LRRC8C: variants seen among roughly 807,000 people sequenced by gnomAD.
LRRC8C encodes the protein volume-regulated anion channel subunit LRRC8C.
Under a neutral mutation model 55.3 loss-of-function variants are expected in LRRC8C, and 20 were observed. That is an observed-to-expected ratio of 0.36 (90% CI 0.25 to 0.53). The LOEUF is 0.53. Ranked by LOEUF, LRRC8C falls within the 20% of genes least tolerant of loss-of-function variation. The pLI is 0.92. For missense variants in LRRC8C, 659 were observed against 951.4 expected (o/e 0.69, Z 4.04); for synonymous variants, 376 against 360.7 (o/e 1.04, Z -0.48).
the LRRC8C span, among the ~76,000 whole-genome samples, chr1:89,627,114 T>C: frequency 6.6e-6 from 1 of 152,134 alleles, no homozygotes; most frequent in Admixed American, 6.5e-5. Flanking sequence ...AGACATCTTA[T>C]GAGTAATAAA....
intron 2 of LRRC8C, among the ~76,000 whole-genome samples, 162 bp downstream of exon 2, chr1:89,686,773 A>G (rs552256129): frequency 9.2e-5 from 14 of 152,294 alleles, no homozygotes; most frequent in African/African-American, 3.1e-4. Flanking sequence ...ACACCTATTT[A>G]CTGGGATTTC....
At chr1:89,651,481 T>C (rs1656777140) in intron 1 of LRRC8C, among the ~76,000 whole-genome samples, 1 of 139,318 alleles carries the variant, frequency 7.2e-6, no homozygotes, top group South Asian at 2.2e-4. Flanking sequence ...GGCAGGAGAA[T>C]GGCATGAACC....
chr1:89,642,194 G>A (rs899473804), intron 1 of LRRC8C, among the ~76,000 whole-genome samples: 38 of 152,146 alleles, frequency 2.5e-4, no homozygotes, highest in African/African-American at 8.5e-4. Flanking sequence ...TCTTGAGGAC[G>A]CTTTTTTCCT....
chr1:89,619,300 G>A, the LRRC8C span, among the ~76,000 whole-genome samples: 1 of 151,580 alleles, frequency 6.6e-6, no homozygotes, highest in Non-Finnish European at 1.5e-5. Flanking sequence ...TTTGGGGTGG[G>A]GGAAAGAAAT....
intron 2 of LRRC8C, among the ~76,000 whole-genome samples, chr1:89,695,367 A>T (rs986094485): frequency 2.0e-5 from 3 of 152,226 alleles, no homozygotes; most frequent in Non-Finnish European, 4.4e-5. Context: ...TCCCTACTCA[A>T]GTTATTTTAG....
At chr1:89,696,236 G>A (rs754541994) in intron 2 of LRRC8C, among the ~76,000 whole-genome samples, 1 of 152,150 alleles carries the variant, frequency 6.6e-6, no homozygotes, top group Non-Finnish European at 1.5e-5. Context: ...TTTAATTAAA[G>A]CTAAGGTTCT....
chr1:89,634,114 C>T (rs1311421498), intron 1 of LRRC8C, among the ~76,000 whole-genome samples: 2 of 152,208 alleles, frequency 1.3e-5, no homozygotes, highest in Non-Finnish European at 2.9e-5. Flanking sequence ...ACAGCAAAGT[C>T]CAAACAGTTT....
At chr1:89,669,534 T>C (rs1657361539) in intron 1 of LRRC8C, among the ~76,000 whole-genome samples, 1 of 152,224 alleles carries the variant, frequency 6.6e-6, no homozygotes, top group African/African-American at 2.4e-5. Flanking sequence ...CTGTCATCTA[T>C]TGAGTGCTAA....
intron 2 of LRRC8C, among the ~76,000 whole-genome samples, chr1:89,691,643 A>G (rs1658030263): frequency 1.3e-5 from 2 of 152,196 alleles, no homozygotes; most frequent in Non-Finnish European, 2.9e-5. Context: ...TTCAGATGAG[A>G]ATTCCAAAGT....
intron 1 of LRRC8C, among the ~76,000 whole-genome samples, chr1:89,685,101 CTTTTT>C (rs11316114): frequency 1.2e-4 from 9 of 76,166 alleles, no homozygotes; most frequent in Non-Finnish European, 1.6e-4. Flanking sequence ...CTATCTAGTT[CTTTTT>C]TTTTTTTTTT....
chr1:89,627,545 A>C, the LRRC8C span, among the ~76,000 whole-genome samples: 1 of 152,188 alleles, frequency 6.6e-6, no homozygotes, highest in African/African-American at 2.4e-5. Context: ...AAAAAGCACA[A>C]ATCAATGCAA....
intron 1 of LRRC8C, among the ~76,000 whole-genome samples, chr1:89,680,552 T>G (rs1240764019): frequency 3.4e-4 from 1 of 2,934 alleles, no homozygotes; most frequent in African/African-American, 6.0e-4. Context: ...TTTCATGCTT[T>G]TTTTTTTTTT....
At chr1:89,629,740 G>A (rs1353409368), upstream of LRRC8C, 3 of 152,270 alleles carry the variant, frequency 2.0e-5, no homozygotes, top group Non-Finnish European at 4.4e-5. Flanking sequence ...CCCAGACTCT[G>A]TAGTGAAGAG....
chr1:89,633,007 G>C (rs985027496), upstream of LRRC8C: 1 of 151,878 alleles, frequency 6.6e-6, no homozygotes, highest in African/African-American at 2.4e-5. Context: ...CCCCGGGGCC[G>C]GGCGCTGGGC....
intron 2 of LRRC8C, among the ~76,000 whole-genome samples, chr1:89,695,042 C>T (rs559177155): frequency 1.4e-4 from 21 of 151,336 alleles, no homozygotes; most frequent in Non-Finnish European, 2.7e-4. Flanking sequence ...CTGCCTCAGC[C>T]TCCCGAGTAA....
chr1:89,693,646 C>CTTTTTTTTTTTTTTTTTT (rs35427989), intron 2 of LRRC8C, among the ~76,000 whole-genome samples: 2 of 82,692 alleles, frequency 2.4e-5, no homozygotes, highest in African/African-American at 1.1e-4. Flanking sequence ...TCTTTTCTTC[C>CTTTTTTTTTTTTTTTTTT]TTTTTTTTTT....
At chr1:89,642,355 A>G (rs1430646481) in intron 1 of LRRC8C, among the ~76,000 whole-genome samples, 2 of 152,344 alleles carry the variant, frequency 1.3e-5, no homozygotes, top group East Asian at 3.9e-4. Context: ...GTACCTTAAT[A>G]GGATTTTCAT....
chr1:89,625,710 A>C, the LRRC8C span, among the ~76,000 whole-genome samples: 1 of 152,216 alleles, frequency 6.6e-6, no homozygotes. Context: ...CTTCAATTTC[A>C]CTACCGTGAT....
intron 2 of LRRC8C, among the ~76,000 whole-genome samples, chr1:89,688,634 A>G (rs1657945788): frequency 6.6e-6 from 1 of 152,224 alleles, no homozygotes; most frequent in Non-Finnish European, 1.5e-5. Context: ...CAAGAGGCAC[A>G]TAGTGAAAGG....
Sources: gnomAD v4.1 joint callset for allele counts (sites outside exome capture counted in the v4.1 genomes callset) on GRCh38, gnomAD v4.1.1 for gene constraint, MANE v1.5 for transcripts, NCBI Gene and HGNC (gene_info 2026-07-23, HGNC 2026-07-21) for gene names.